Variants in PTPRG observed in about 807,000 individuals in gnomAD.
PTPRG encodes the protein receptor-type tyrosine-protein phosphatase gamma.
PTPRG carries 102 observed loss-of-function variants against 165.3 expected under a neutral mutation model. The observed-to-expected ratio is 0.62, with a 90% confidence interval of 0.53 to 0.73. The LOEUF (loss-of-function observed/expected upper bound fraction) is 0.73. Among genes scored for constraint, PTPRG ranks in the 30% least tolerant of loss-of-function variants. PTPRG has a pLI of 0.00. For synonymous variants in PTPRG, 675 were observed against 669.5 expected, an observed-to-expected ratio of 1.01 and a Z score of -0.13; for missense variants, 1,866 against 1,861.4, an observed-to-expected ratio of 1.00 and a Z score of -0.05.
intron 4 of PTPRG, among the ~76,000 whole-genome samples, chr3:62,015,993 C>G (rs1165971139): frequency 6.6e-6 from 1 of 151,982 alleles, no homozygotes; most frequent in Non-Finnish European, 1.5e-5. Flanking sequence ...TTGTGTAATA[C>G]CTATTACAGA....
At position 62,267,495 on chromosome 3, in the gene PTPRG, A is replaced by G. The variant is rs1166102499; in HGVS notation, c.2739+3A>G. On this transcript the variant is annotated splice_donor_region_variant and intron_variant, in intron 18 of 29. Transcript: ENST00000474889. ...ACATTAATGCAAACTATGTTGATGT[A>G]AGTCAGAACTGTTATTATAAACCTG... 4.4e-6 allele frequency: 7 copies of G among 1,601,582 alleles called. No individual in the cohort carries two copies. Among genetic ancestry groups the G allele is most frequent in the Non-Finnish European group, 6.0e-6 (7 of 1,171,880 alleles).
intron 1 of PTPRG, among the ~76,000 whole-genome samples, chr3:61,744,285 CTTATT>C (rs1253980437): frequency 6.6e-6 from 1 of 152,204 alleles, no homozygotes; most frequent in African/African-American, 2.4e-5. Flanking sequence ...AAAGTGTTGT[CTTATT>C]TTAAATTATG....
At chr3:61,715,937 A>G (rs941589713) in intron 1 of PTPRG, among the ~76,000 whole-genome samples, 1 of 152,068 alleles carries the variant, frequency 6.6e-6, no homozygotes, top group Non-Finnish European at 1.5e-5. Context: ...TGGATAGATA[A>G]GCAGAGTCAG....
intron 2 of PTPRG, among the ~76,000 whole-genome samples, chr3:61,886,695 G>C (rs752439914): frequency 2.0e-5 from 3 of 152,102 alleles, no homozygotes; most frequent in Non-Finnish European, 2.9e-5. Flanking sequence ...GTACCTCCTA[G>C]CTACCCATGG....
intron 1 of PTPRG, among the ~76,000 whole-genome samples, chr3:61,740,254 CAGT>C (rs1401869602): frequency 6.6e-6 from 1 of 152,166 alleles, no homozygotes; most frequent in African/African-American, 2.4e-5. Context: ...GAGAATCAAA[CAGT>C]AGTAAAATGG....
At chr3:61,787,101 T>G (rs1416368377) in intron 2 of PTPRG, among the ~76,000 whole-genome samples, 1 of 151,878 alleles carries the variant, frequency 6.6e-6, no homozygotes, top group East Asian at 1.9e-4. Flanking sequence ...ATCCTTTGTG[T>G]GCCAAAAAAA....
chr3:61,768,047 G>A (rs140527780), intron 2 of PTPRG, among the ~76,000 whole-genome samples: 1 of 151,758 alleles, frequency 6.6e-6, no homozygotes, highest in African/African-American at 2.4e-5. Flanking sequence ...TTTATGCATT[G>A]GGAGGATAGG....
intron 2 of PTPRG, among the ~76,000 whole-genome samples, chr3:61,818,578 C>T (rs1420282308): frequency 5.3e-5 from 8 of 152,030 alleles, no homozygotes; most frequent in Admixed American, 1.3e-4. Flanking sequence ...GTGGGAGCAT[C>T]ACTTGAGCCT....
Position 61,989,800 on chromosome 3 carries a change from A to G in PTPRG, c.366A>G (p.Lys122=), listed in dbSNP as rs1193502740. Residue 122 remains lysine, a synonymous_variant, in exon 3 of 30, where the codon AAA becomes AAG. Transcript: ENST00000474889. ...SNKTWMKNTG[K]TVAILLKDDY... ...AAACCTGGATGAAAAACACAGGGAAAACAGGTAGACAATGGCTTCTTTATT... is the reference window on the plus strand; with the variant it reads ...AAACCTGGATGAAAAACACAGGGAAGACAGGTAGACAATGGCTTCTTTATT... 1 of 1,613,940 alleles carries G rather than the reference A, an allele frequency of 6.2e-7. No individual in the cohort carries two copies. The highest frequency in any genetic ancestry group is 1.7e-5 in the Admixed American group (1 of 60,016).
chr3:61,706,303 C>G (rs565278068), intron 1 of PTPRG, among the ~76,000 whole-genome samples: 1 of 151,992 alleles, frequency 6.6e-6, no homozygotes, highest in Non-Finnish European at 1.5e-5. Context: ...CAACTTAAAG[C>G]AACACTCTGA....
At chr3:61,999,579 C>G (rs2041122821) in intron 3 of PTPRG, among the ~76,000 whole-genome samples, 1 of 152,068 alleles carries the variant, frequency 6.6e-6, no homozygotes. Flanking sequence ...TCAACTTTTC[C>G]TGCTGTTGTT....
chr3:61,953,082 G>T (rs1055344819), intron 2 of PTPRG, among the ~76,000 whole-genome samples: 4 of 151,982 alleles, frequency 2.6e-5, no homozygotes, highest in African/African-American at 7.3e-5. Flanking sequence ...TCTACTTACC[G>T]TGCCCCAGGT....
At chr3:61,797,765 C>G (rs2035097528) in intron 2 of PTPRG, among the ~76,000 whole-genome samples, 2 of 151,976 alleles carry the variant, frequency 1.3e-5, no homozygotes, top group Admixed American at 1.3e-4. Flanking sequence ...ATGCTGACTG[C>G]CCGGAGTGTG....
chr3:62,218,564 G>A (rs2106884936), intron 12 of PTPRG, among the ~76,000 whole-genome samples: 1 of 152,254 alleles, frequency 6.6e-6, no homozygotes, highest in Non-Finnish European at 1.5e-5. Context: ...GGGTAAGGCT[G>A]GAATGTCTAT....
intron 8 of PTPRG, among the ~76,000 whole-genome samples, chr3:62,171,669 A>G (rs1442245498): frequency 6.6e-6 from 1 of 151,902 alleles, no homozygotes; most frequent in Non-Finnish European, 1.5e-5. Context: ...ATGTATCAGT[A>G]GGTCATTTTT....
At chr3:61,749,447 A>C (rs2033345046) in intron 2 of PTPRG, 1 of 270,850 alleles carries the variant, frequency 3.7e-6, no homozygotes, top group Non-Finnish European at 7.2e-6. Flanking sequence ...TTCTTTGAAT[A>C]TATTTTAGCT....
rs567255923 is a variant in PTPRG at position 62,245,896 on chromosome 3, T to C, written c.2467+1998T>C. 3.3e-5 allele frequency among the ~76,000 whole-genome samples: 5 copies of C among 152,242 alleles called. No homozygotes were observed. In the South Asian group the frequency reaches 8.3e-4, roughly 25 times the overall value. On this transcript the variant is annotated intron_variant, in intron 15 of 29. Coordinates refer to ENST00000474889, the MANE Select transcript of PTPRG (RefSeq NM_002841.4). This position sits in a 1 kb window ranked among gnomAD's most constrained non-coding sequence, Gnocchi z 4.2. The stretch of plus-strand genomic sequence containing the variant: ...AATCACTCTTCTTTGATATAGGCTT[T>C]AGAACTTTCAATTCACTAGGATCCT...
rs569684783 is a variant in PTPRG at position 61,564,825 on chromosome 3, C to G, written c.85+2453C>G. Among the ~76,000 whole-genome samples, 361 of 152,272 alleles carry G rather than the reference C, an allele frequency of 2.4e-3. 1 individual carries two copies. The highest frequency in any genetic ancestry group is 8.4e-3 in the African/African-American group (349 of 41,568). Reference sequence around the variant, plus strand: ...GGGCGCGCGTGCCCGGGTTCCCAGGCTCTGGGGCTGCAGACGCGCCTTGGC... The same window carrying G: ...GGGCGCGCGTGCCCGGGTTCCCAGGGTCTGGGGCTGCAGACGCGCCTTGGC... On this transcript the variant is annotated intron_variant, in intron 1 of 29. Transcript: ENST00000474889.
intron 1 of PTPRG, among the ~76,000 whole-genome samples, chr3:61,723,496 GTCCTT>G (rs2032134436): frequency 6.6e-6 from 1 of 152,074 alleles, no homozygotes; most frequent in African/African-American, 2.4e-5. Context: ...ATGTTACGAG[GTCCTT>G]GTTTCTATCA....
Sources: allele counts gnomAD v4.1 joint callset (sites outside exome capture counted in the v4.1 genomes callset), GRCh38; gene constraint gnomAD v4.1.1; non-coding constraint Gnocchi (gnomAD v3.1); transcripts MANE v1.5; gene names NCBI Gene and HGNC (gene_info 2026-07-23, HGNC 2026-07-21).